The following IQCM variants were observed in gnomAD, a reference collection of about 807,000 sequenced individuals.
IQCM encodes the protein IQ domain-containing protein M.
Under a neutral mutation model 57.6 loss-of-function variants are expected in IQCM, and 45 were observed. The ratio of observed to expected loss-of-function variants is 0.78; its 90% CI spans 0.62 to 1.00. IQCM has a LOEUF of 1.00. Among genes scored for constraint, IQCM ranks in the 50% least tolerant of loss-of-function variants. The pLI is 0.00. For synonymous variants in IQCM, 148 were observed against 158.9 expected (o/e 0.93, Z 0.51); for missense variants, 468 against 511.6 (o/e 0.91, Z 0.82).
intron 12 of IQCM, among the ~76,000 whole-genome samples, chr4:149,542,767 A>C: frequency 6.6e-6 from 1 of 152,156 alleles, no homozygotes; most frequent in East Asian, 1.9e-4. Flanking sequence ...TGTAAGAATT[A>C]TTTATGAATA....
At chr4:149,485,662 C>A (rs1741395347) in intron 12 of IQCM, among the ~76,000 whole-genome samples, 1 of 152,018 alleles carries the variant, frequency 6.6e-6, no homozygotes, top group Admixed American at 6.6e-5. Flanking sequence ...ATTTTGAATT[C>A]TCTGTCTGAA....
chr4:149,603,457 C>T (rs1370503676), intron 8 of IQCM, among the ~76,000 whole-genome samples: 1 of 152,074 alleles, frequency 6.6e-6, no homozygotes, highest in Non-Finnish European at 1.5e-5. Flanking sequence ...CTTGGTGTAG[C>T]CTCTTAATTA....
intron 7 of IQCM, among the ~76,000 whole-genome samples, chr4:149,628,311 T>C (rs935213870): frequency 1.3e-5 from 2 of 152,022 alleles, no homozygotes; most frequent in African/African-American, 4.8e-5. Flanking sequence ...AAGAAATAAC[T>C]AAAAGTTTAA....
rs189387061 is a variant in IQCM at position 149,557,514 on chromosome 4, C to T, written c.949-4227G>A. Among the ~76,000 whole-genome samples the T allele has an allele frequency of 1.9e-4, 29 of 152,236 alleles. 1 individual carries two copies. In the East Asian group the frequency reaches 3.1e-3, roughly 16 times the overall value. The stretch of plus-strand genomic sequence containing the variant: ...TCAAAGTGGCCTGGAATTTCATGCA[C>T]GCTTTTTAAGGCATCTCTCTGCCAT... On this transcript the variant is annotated intron_variant, in intron 10 of 13. Transcript: ENST00000636793.
At chr4:149,740,711 A>G (rs1307815650) in intron 3 of IQCM, among the ~76,000 whole-genome samples, 6 of 152,126 alleles carry the variant, frequency 3.9e-5, no homozygotes, top group Admixed American at 3.9e-4. Flanking sequence ...TCTGTTTTAC[A>G]TATTTGAGCT....
chr4:149,656,272 T>C (rs1759629517), intron 7 of IQCM, among the ~76,000 whole-genome samples: 1 of 152,134 alleles, frequency 6.6e-6, no homozygotes, highest in Non-Finnish European at 1.5e-5. Flanking sequence ...TTTTGAATAG[T>C]TATTGTAACA....
intron 2 of IQCM, among the ~76,000 whole-genome samples, chr4:149,784,058 A>G (rs1771859921): frequency 6.6e-6 from 1 of 152,206 alleles, no homozygotes; most frequent in Non-Finnish European, 1.5e-5. Flanking sequence ...GTCCTTACCC[A>G]TAGAAACTAT....
chr4:149,457,858 T>G (rs528408039), intron 12 of IQCM, among the ~76,000 whole-genome samples: 3 of 152,018 alleles, frequency 2.0e-5, no homozygotes, highest in Non-Finnish European at 4.4e-5. Context: ...GAACAAAAAA[T>G]TAGACATTCA....
intron 13 of IQCM, among the ~76,000 whole-genome samples, chr4:149,399,025 G>A (rs1055876373): frequency 1.3e-5 from 2 of 151,988 alleles, no homozygotes; most frequent in Admixed American, 6.6e-5. Context: ...ATGAGCAACC[G>A]TGCCTGGTCC....
At chr4:149,551,008 G>A (rs890041049) in intron 11 of IQCM, among the ~76,000 whole-genome samples, 2 of 152,092 alleles carry the variant, frequency 1.3e-5, no homozygotes, top group East Asian at 1.9e-4. Context: ...TGATGTCTGC[G>A]ACACAAGTTG....
intron 2 of IQCM, among the ~76,000 whole-genome samples, chr4:149,810,362 CAAAAAAA>C (rs748565416): frequency 1.2e-4 from 10 of 86,236 alleles, no homozygotes; most frequent in African/African-American, 1.8e-4. Flanking sequence ...ACACCATCTC[CAAAAAAA>C]AAAAAAAAAA....
At chr4:149,365,695 T>C (rs1313407146) in intron 13 of IQCM, among the ~76,000 whole-genome samples, 5 of 151,240 alleles carry the variant, frequency 3.3e-5, no homozygotes, top group African/African-American at 1.2e-4. Flanking sequence ...CTCTGTGATA[T>C]TCTTTCCAAA....
chr4:149,486,773 G>A lies in IQCM; in HGVS notation c.1229-53216C>T, dbSNP rs1265883616. ...AAAACAAACAAACAAAAAAGCCCAA[G>A]AGCTCTTTCCTCAGGTTGTAGTGAA... is the stretch of plus-strand genomic sequence containing the variant. On this transcript the variant is annotated intron_variant, in intron 12 of 13. Coordinates refer to ENST00000636793, the MANE Select transcript of IQCM (RefSeq NM_001363507.2). 2.0e-5 allele frequency among the ~76,000 whole-genome samples: 3 copies of A among 151,948 alleles called. No homozygotes were observed. In the South Asian group the frequency reaches 6.2e-4, roughly 31 times the overall value.
chr4:149,530,293 C>T (rs916488204), intron 12 of IQCM, among the ~76,000 whole-genome samples: 9 of 151,980 alleles, frequency 5.9e-5, no homozygotes, highest in African/African-American at 1.9e-4. Flanking sequence ...ATATAATTCC[C>T]TCTCCAGTAC....
intron 7 of IQCM, among the ~76,000 whole-genome samples, chr4:149,664,260 A>T (rs1321886301): frequency 2.6e-5 from 4 of 152,012 alleles, no homozygotes; most frequent in African/African-American, 9.7e-5. Flanking sequence ...CTTCCTTAAG[A>T]TCATTATTCT....
intron 2 of IQCM, among the ~76,000 whole-genome samples, chr4:149,766,615 A>G (rs76428930): frequency 0.022 from 3,395 of 152,264 alleles, 64 homozygotes; most frequent in South Asian, 0.036. Context: ...GATTACTATC[A>G]GAAAATAAAG....
At chr4:149,357,414 G>C (rs532492136) in intron 13 of IQCM, among the ~76,000 whole-genome samples, 6 of 152,060 alleles carry the variant, frequency 3.9e-5, no homozygotes, top group South Asian at 2.1e-4. Flanking sequence ...TTTGAGATAC[G>C]TCCCATCAAT....
At chr4:149,644,468 C>T (rs1211589512) in intron 7 of IQCM, among the ~76,000 whole-genome samples, 4 of 152,158 alleles carry the variant, frequency 2.6e-5, no homozygotes, top group Non-Finnish European at 4.4e-5. Flanking sequence ...TATTGATAAA[C>T]ATTGTTTATA....
chr4:149,495,997 T>C (rs996298899), intron 12 of IQCM, among the ~76,000 whole-genome samples: 3 of 152,118 alleles, frequency 2.0e-5, no homozygotes, highest in Non-Finnish European at 4.4e-5. Flanking sequence ...TTTAGCTGCA[T>C]GAGATTAAGC....
Sources: gnomAD v4.1 joint callset for allele counts (sites outside exome capture counted in the v4.1 genomes callset) on GRCh38, gnomAD v4.1.1 for gene constraint, MANE v1.5 for transcripts, NCBI Gene and HGNC (gene_info 2026-07-23, HGNC 2026-07-21) for gene names.